Variants in SOX5 observed in about 807,000 individuals in gnomAD.
SOX5 encodes the protein SRY-box transcription factor 5, also known as transcription factor SOX-5.
SOX5 carries 9 observed loss-of-function variants against 92.0 expected under a neutral mutation model. The ratio of observed to expected loss-of-function variants is 0.10; its 90% confidence interval spans 0.06 to 0.17. The LOEUF is 0.17. Among genes scored for constraint, SOX5 ranks in the 10% least tolerant of loss-of-function variants. SOX5 has a pLI of 1.00. For synonymous variants in SOX5, 344 were observed against 336.3 expected, an observed-to-expected ratio of 1.02 and a Z score of -0.25; for missense variants, 642 against 944.5, an observed-to-expected ratio of 0.68 and a Z score of 4.20.
At chr12:24,067,455 T>G (rs1226082195) in intron 4 of SOX5, among the ~76,000 whole-genome samples, 2 of 152,146 alleles carry the variant, frequency 1.3e-5, no homozygotes, top group African/African-American at 4.8e-5. Flanking sequence ...TAAGTTAAAA[T>G]ATCCTTTGTC....
chr12:23,759,022 C>CACACAG (rs1555323049), intron 3 of SOX5, among the ~76,000 whole-genome samples: 6 of 60,450 alleles, frequency 9.9e-5, no homozygotes, highest in African/African-American at 2.9e-4. Flanking sequence ...CACACACACA[C>CACACAG]ACACACAGAC....
chr12:24,041,937 CATT>C (rs1956568101), intron 4 of SOX5, among the ~76,000 whole-genome samples: 1 of 151,960 alleles, frequency 6.6e-6, no homozygotes, highest in East Asian at 1.9e-4. Context: ...TAAAAATAAA[CATT>C]ATGTGCTCAT....
At chr12:23,968,906 ATC>A (rs1947906202) in intron 4 of SOX5, among the ~76,000 whole-genome samples, 1 of 152,064 alleles carries the variant, frequency 6.6e-6, no homozygotes, top group African/African-American at 2.4e-5. Flanking sequence ...AGGCAATTTT[ATC>A]TGTTAGTTTT....
intron 1 of SOX5, among the ~76,000 whole-genome samples, chr12:24,416,403 A>T (rs891176305): frequency 4.6e-5 from 7 of 152,212 alleles, no homozygotes; most frequent in African/African-American, 1.7e-4. Flanking sequence ...TGACCAACCC[A>T]GTTTTCCTCT....
rs1192249091 is a variant in SOX5, at chr12:23,943,150, AC to A, written c.38+6413del. Reference sequence around the variant, plus strand: ...TACACACATTTTATAACTCCAAGAAACCAAAACTCATTCACAAATGCTTTCA... The same window carrying A: ...TACACACATTTTATAACTCCAAGAAACAAAACTCATTCACAAATGCTTTCA... On this transcript the variant is annotated intron_variant, in intron 1 of 14. Transcript: ENST00000451604. Among the ~76,000 whole-genome samples the A allele has an allele frequency of 2.0e-5, 3 of 151,988 alleles. No individual in the cohort carries two copies. In the East Asian group the frequency reaches 5.8e-4, roughly 29 times the overall value.
intron 3 of SOX5, among the ~76,000 whole-genome samples, chr12:23,767,470 C>A (rs1297916638): frequency 6.6e-6 from 1 of 152,068 alleles, no homozygotes; most frequent in Non-Finnish European, 1.5e-5. Flanking sequence ...ATAAAGTCCT[C>A]TTTATTCAGA....
chr12:23,939,492 TA>T (rs888868186), intron 1 of SOX5, among the ~76,000 whole-genome samples: 18 of 150,916 alleles, frequency 1.2e-4, no homozygotes, highest in Middle Eastern at 3.4e-3. Flanking sequence ...AATTATTCTG[TA>T]AAAAAAATTA....
At chr12:24,075,814 G>A (rs528284468) in intron 4 of SOX5, among the ~76,000 whole-genome samples, 133 of 152,194 alleles carry the variant, frequency 8.7e-4, no homozygotes, top group Non-Finnish European at 1.6e-3. Context: ...AAGCAGCCAA[G>A]GAGGCCAAAG....
At chr12:24,401,361 A>AG (rs1961550735) in intron 1 of SOX5, among the ~76,000 whole-genome samples, 1 of 151,366 alleles carries the variant, frequency 6.6e-6, no homozygotes, top group East Asian at 1.9e-4. Flanking sequence ...CAGGGGAAAA[A>AG]AAAAAAAAAA....
intron 4 of SOX5, among the ~76,000 whole-genome samples, chr12:24,076,701 T>TTC: frequency 4.3e-5 from 1 of 23,170 alleles, no homozygotes; most frequent in Non-Finnish European, 1.2e-4. Flanking sequence ...AAAGCTGCCT[T>TTC]TTTTTTTTTT....
At chr12:23,986,018 T>A (rs1333874149) in intron 4 of SOX5, among the ~76,000 whole-genome samples, 1 of 152,112 alleles carries the variant, frequency 6.6e-6, no homozygotes, top group Non-Finnish European at 1.5e-5. Context: ...TGTGATTACA[T>A]TGGGCACATC....
At chr12:24,245,511 T>G (rs998192103) in intron 3 of SOX5, among the ~76,000 whole-genome samples, 12 of 152,182 alleles carry the variant, frequency 7.9e-5, no homozygotes, top group African/African-American at 2.9e-4. Context: ...TAACTTGATC[T>G]TAAATTTGTC....
chr12:24,514,668 G>C (rs765454784), intron 1 of SOX5, among the ~76,000 whole-genome samples: 1 of 152,112 alleles, frequency 6.6e-6, no homozygotes, highest in African/African-American at 2.4e-5. Flanking sequence ...GCCCACCAGC[G>C]GTAGACTGGA....
chr12:24,061,882 C>T (rs756183174), intron 4 of SOX5, among the ~76,000 whole-genome samples: 11 of 152,068 alleles, frequency 7.2e-5, no homozygotes, highest in Admixed American at 2.0e-4. Flanking sequence ...ACACTGCTTG[C>T]TAGTCATTAC....
intron 4 of SOX5, among the ~76,000 whole-genome samples, chr12:24,138,104 G>C (rs1950265224): frequency 2.0e-5 from 3 of 152,212 alleles, no homozygotes. Flanking sequence ...AATAGGTCGA[G>C]CTCTGCTTTG....
intron 1 of SOX5, among the ~76,000 whole-genome samples, chr12:23,906,709 T>A (rs1397386779): frequency 3.9e-5 from 6 of 152,224 alleles, no homozygotes; most frequent in African/African-American, 1.4e-4. Flanking sequence ...TGTAAAAATC[T>A]TTTATTAATA....
chr12:23,662,838 G>T (rs144154784), intron 7 of SOX5, among the ~76,000 whole-genome samples: 16 of 152,296 alleles, frequency 1.1e-4, no homozygotes, highest in African/African-American at 3.6e-4. Context: ...TTGATGAAAA[G>T]TATCTGTATT....
intron 1 of SOX5, among the ~76,000 whole-genome samples, chr12:24,442,504 T>C (rs1321790647): frequency 1.3e-5 from 2 of 152,142 alleles, no homozygotes; most frequent in African/African-American, 2.4e-5. Flanking sequence ...GAGATTGTCA[T>C]AGGGCCAGGG....
At chr12:23,905,412 T>C (rs2097281637) in intron 1 of SOX5, among the ~76,000 whole-genome samples, 1 of 152,180 alleles carries the variant, frequency 6.6e-6, no homozygotes, top group African/African-American at 2.4e-5. Context: ...GAAAATGTTC[T>C]AGTAAGAAGA....
Sources: gnomAD v4.1 joint callset for allele counts (sites outside exome capture counted in the v4.1 genomes callset) on GRCh38, gnomAD v4.1.1 for gene constraint, MANE v1.5 for transcripts, NCBI Gene and HGNC (gene_info 2026-07-23, HGNC 2026-07-21) for gene names.